The following SHISA6 variants were observed in gnomAD, a reference collection of about 807,000 sequenced individuals.
SHISA6 encodes the protein protein shisa-6.
A neutral mutation model predicts 47.9 loss-of-function variants in SHISA6; 22 were observed. The observed-to-expected ratio is 0.46, with a 90% CI of 0.33 to 0.66. SHISA6 has a LOEUF of 0.66. Among genes scored for constraint, SHISA6 ranks in the 30% least tolerant of loss-of-function variants. SHISA6 has a pLI of 0.02. For synonymous variants in SHISA6, 388 were observed against 337.8 expected (o/e 1.15, Z -1.63); for missense variants, 680 against 764.6 (o/e 0.89, Z 1.30).
chr17:11,371,456 GAA>G (rs1272111299), intron 2 of SHISA6, among the ~76,000 whole-genome samples: 6 of 152,156 alleles, frequency 3.9e-5, no homozygotes, highest in Non-Finnish European at 7.3e-5. Flanking sequence ...AGGTACATGG[GAA>G]AGAGGAAAAC....
At chr17:11,333,608 G>A (rs113992668) in intron 2 of SHISA6, among the ~76,000 whole-genome samples, 4,382 of 152,114 alleles carry the variant, frequency 0.029, 162 homozygotes, top group East Asian at 0.11. Flanking sequence ...TCCGCCTCCC[G>A]AGGTCAAGTG....
intron 1 of SHISA6, among the ~76,000 whole-genome samples, chr17:11,242,954 G>C (rs577203144): frequency 2.3e-4 from 35 of 152,266 alleles, no homozygotes; most frequent in African/African-American, 8.2e-4. Flanking sequence ...GACACACCCA[G>C]AGGATGCAGA....
intron 2 of SHISA6, among the ~76,000 whole-genome samples, chr17:11,359,214 T>C (rs1223033932): frequency 6.6e-6 from 1 of 152,254 alleles, no homozygotes; most frequent in Admixed American, 6.5e-5. Flanking sequence ...AAGCATGTCT[T>C]GCTCACCCAC....
At chr17:11,548,654 T>G (rs1400040200) in intron 3 of SHISA6, among the ~76,000 whole-genome samples, 1 of 152,096 alleles carries the variant, frequency 6.6e-6, no homozygotes, top group Non-Finnish European at 1.5e-5. Flanking sequence ...GCTAAGGAAA[T>G]GAGACATCGC....
At chr17:11,524,079 GAAAA>G (rs200301272) in intron 3 of SHISA6, among the ~76,000 whole-genome samples, 17 of 148,374 alleles carry the variant, frequency 1.1e-4, no homozygotes, top group African/African-American at 3.5e-4. Flanking sequence ...ATGAAAGAAA[GAAAA>G]AGAAAGAAAG....
chr17:11,286,087 G>A (rs969762673), intron 2 of SHISA6, among the ~76,000 whole-genome samples: 1 of 151,980 alleles, frequency 6.6e-6, no homozygotes, highest in Non-Finnish European at 1.5e-5. Flanking sequence ...TGAGACCCCC[G>A]TGTAGGAAAT....
rs144641269 is a variant in SHISA6, at chr17:11,348,635, C to T, written c.800-30779C>T. ...TTATTCCTTTTATTCTATTGGTCCT[C>T]AGCAGTGTCTACCCTGAGTTTTTTC... On this transcript the variant is annotated intron_variant, in intron 2 of 5. Coordinates refer to ENST00000441885, the MANE Select transcript of SHISA6 (RefSeq NM_207386.4). Among the ~76,000 whole-genome samples the T allele has an allele frequency of 1.7e-3, 257 of 152,180 alleles. 1 individual carries two copies. The highest frequency in any genetic ancestry group is 5.9e-3 in the African/African-American group (244 of 41,542).
chr17:11,324,684 C>A (rs1382784423), intron 2 of SHISA6, among the ~76,000 whole-genome samples: 3 of 152,158 alleles, frequency 2.0e-5, no homozygotes, highest in African/African-American at 7.2e-5. Context: ...GATTTTTCTT[C>A]AAGCCTCTAA....
At chr17:11,370,856 T>C (rs1288371296) in intron 2 of SHISA6, among the ~76,000 whole-genome samples, 2 of 152,158 alleles carry the variant, frequency 1.3e-5, no homozygotes, top group Non-Finnish European at 2.9e-5. Context: ...GGATGGTTTA[T>C]CCTGAGCCTT....
intron 3 of SHISA6, among the ~76,000 whole-genome samples, chr17:11,473,417 A>G (rs772837993): frequency 1.1e-4 from 17 of 152,160 alleles, no homozygotes; most frequent in Non-Finnish European, 1.9e-4. Flanking sequence ...CTCGAAGATG[A>G]CACTTTGCAT....
chr17:11,298,855 G>A (rs1909834094), intron 2 of SHISA6, among the ~76,000 whole-genome samples: 1 of 152,198 alleles, frequency 6.6e-6, no homozygotes, highest in South Asian at 2.1e-4. Context: ...AAGGGAGAGT[G>A]AGGAGCCTAG....
intron 3 of SHISA6, among the ~76,000 whole-genome samples, chr17:11,534,239 C>T (rs1381796009): frequency 2.1e-5 from 3 of 143,250 alleles, no homozygotes; most frequent in Non-Finnish European, 4.5e-5. Flanking sequence ...CTTCTGACTT[C>T]AAGTGATCCG....
intron 3 of SHISA6, among the ~76,000 whole-genome samples, chr17:11,546,357 CA>C (rs757705100): frequency 6.6e-6 from 1 of 152,114 alleles, no homozygotes; most frequent in East Asian, 1.9e-4. Flanking sequence ...ACAACTATAG[CA>C]GAGAGGAGAA....
At chr17:11,484,888 G>A (rs1916308819) in intron 3 of SHISA6, among the ~76,000 whole-genome samples, 1 of 152,108 alleles carries the variant, frequency 6.6e-6, no homozygotes, top group South Asian at 2.1e-4. Context: ...AAATTCTCAG[G>A]CAGTATTTGG....
Position 11,558,607 on chromosome 17 carries a change from G to A in SHISA6, c.*303G>A, listed in dbSNP as rs990471182. 41 of 416,716 alleles carry A rather than the reference G, an allele frequency of 9.8e-5. No homozygotes were observed. In the Middle Eastern group the frequency reaches 3.3e-3, roughly 33 times the overall value. 25.8% of individuals were successfully genotyped at this position (416,716 alleles called of 1,614,324 possible). A position where few individuals can be genotyped will look rare whatever the true frequency, so the allele number is the denominator to read the frequency against. On this transcript the variant is annotated 3_prime_UTR_variant, in exon 6 of 6. Coordinates refer to ENST00000441885, the MANE Select transcript of SHISA6 (RefSeq NM_207386.4). ...GACCACCTTCACCAACTCCCTTTCC[G>A]TCCCGCGCCTCCTTCTCCCCATCCG...
At chr17:11,291,799 C>A (rs1297125985) in intron 2 of SHISA6, among the ~76,000 whole-genome samples, 3 of 152,056 alleles carry the variant, frequency 2.0e-5, no homozygotes, top group African/African-American at 7.2e-5. Context: ...TGTGGTCACC[C>A]CTCTGTGTGT....
chr17:11,295,188 A>G lies in SHISA6; in HGVS notation c.799+31662A>G, dbSNP rs1160978968. On this transcript the variant is annotated intron_variant, in intron 2 of 5. Transcript: ENST00000441885. ...GGAAATTTCTATTTAATATTTTCAG[A>G]CTGCAAGTAATTGAAACCGCAGAAA... is the stretch of plus-strand genomic sequence containing the variant. Among the ~76,000 whole-genome samples the G allele has an allele frequency of 2.0e-5, 3 of 152,342 alleles. No homozygotes were observed. In the South Asian group the frequency reaches 6.2e-4, roughly 32 times the overall value.
chr17:11,414,208 A>G (rs567418713), intron 3 of SHISA6, among the ~76,000 whole-genome samples: 1 of 151,694 alleles, frequency 6.6e-6, no homozygotes, highest in Non-Finnish European at 1.5e-5. Context: ...TGAAATCTTT[A>G]CCAGACCCTA....
chr17:11,400,570 C>T (rs1211748444), intron 3 of SHISA6, among the ~76,000 whole-genome samples: 1 of 152,190 alleles, frequency 6.6e-6, no homozygotes, highest in Non-Finnish European at 1.5e-5. Context: ...GAATCCCTGC[C>T]TCCACCCTCT....
Sources: allele counts gnomAD v4.1 joint callset (sites outside exome capture counted in the v4.1 genomes callset), GRCh38; gene constraint gnomAD v4.1.1; transcripts MANE v1.5; gene names NCBI Gene and HGNC (gene_info 2026-07-23, HGNC 2026-07-21).